TTYH3: variants seen among roughly 807,000 people sequenced by gnomAD.
TTYH3 encodes the protein tweety family member 3, also known as protein tweety homolog 3.
TTYH3 carries 23 observed loss-of-function variants against 68.2 expected under a neutral mutation model. That is an observed-to-expected ratio of 0.34 (90% CI 0.24 to 0.48). The LOEUF is 0.48. Ranked by LOEUF, TTYH3 falls within the 20% of genes least tolerant of loss-of-function variation. TTYH3 has a pLI of 0.99. For missense variants in TTYH3, 768 were observed against 727.7 expected, an observed-to-expected ratio of 1.06 and a Z score of -0.64; for synonymous variants, 360 against 332.8, an observed-to-expected ratio of 1.08 and a Z score of -0.89.
intron 1 of TTYH3, among the ~76,000 whole-genome samples, chr7:2,632,939 G>C (rs934103009): frequency 6.6e-5 from 10 of 152,174 alleles, no homozygotes; most frequent in African/African-American, 7.2e-5. Context: ...TGTAGCCCCC[G>C]GGGGAGGGAG....
intron 1 of TTYH3, among the ~76,000 whole-genome samples, chr7:2,636,701 A>G (rs576663059): frequency 2.2e-4 from 33 of 152,194 alleles, no homozygotes; most frequent in Non-Finnish European, 4.0e-4. Context: ...CAGTCCACTC[A>G]GGATTTCCAT....
chr7:2,659,655 G>A (rs1786436823), intron 13 of TTYH3, among the ~76,000 whole-genome samples: 1 of 152,158 alleles, frequency 6.6e-6, no homozygotes, highest in Non-Finnish European at 1.5e-5. Context: ...GGGGCGGCCG[G>A]GCTACCAGGA....
chr7:2,638,214 C>T (rs1785732170), intron 1 of TTYH3, among the ~76,000 whole-genome samples: 1 of 152,044 alleles, frequency 6.6e-6, no homozygotes, highest in Non-Finnish European at 1.5e-5. Flanking sequence ...GGGCCCGGTC[C>T]CCAGGCAGCT....
At chr7:2,661,375 TGGGCATGGGA>T (rs1786490791) in intron 13 of TTYH3, among the ~76,000 whole-genome samples, 1 of 152,098 alleles carries the variant, frequency 6.6e-6, no homozygotes, top group Admixed American at 6.5e-5. Context: ...GCCGCTGGTG[TGGGCATGGGA>T]GGCTGTGTGT....
At chr7:2,640,966 G>T (rs375235241) in intron 1 of TTYH3, among the ~76,000 whole-genome samples, 1 of 152,214 alleles carries the variant, frequency 6.6e-6, no homozygotes, top group African/African-American at 2.4e-5. Context: ...TTTGGGCCTG[G>T]GTCTCTAATA....
chr7:2,647,071 C>A, intron 2 of TTYH3, 49 bp downstream of exon 2: 7 of 932,850 alleles, frequency 7.5e-6, no homozygotes, highest in Non-Finnish European at 8.8e-6. Context: ...GGGGGCGGCC[C>A]GAGGGGGCGG....
At chr7:2,661,319 G>A (rs1024777976) in intron 13 of TTYH3, among the ~76,000 whole-genome samples, 8 of 152,170 alleles carry the variant, frequency 5.3e-5, no homozygotes, top group African/African-American at 1.9e-4. Flanking sequence ...CCTTGGAGCT[G>A]TGGCTCCTGG....
At chr7:2,635,024 G>A (rs1024290822) in intron 1 of TTYH3, among the ~76,000 whole-genome samples, 6 of 152,266 alleles carry the variant, frequency 3.9e-5, no homozygotes, top group Admixed American at 3.3e-4. Context: ...GGTCGGCTCT[G>A]TGCAGCTCCC....
In TTYH3 at chr7:2,647,512, C is replaced by A. The variant is rs1270757910; in HGVS notation, c.500C>A (p.Ala167Asp). The change falls in exon 4 of 14, where the codon GCC becomes GAC. Residue 167 changes from alanine to aspartate, a missense_variant. Coordinates refer to ENST00000258796, the MANE Select transcript of TTYH3 (RefSeq NM_025250.3). ...GCCGGGCGGCCCGAGCCCCTGCGAG[C>A]CGTACAGAGGCTGCAGGGCCTGCTG... ...QLAGRPEPLR[A>D]VQRLQGLLET... The A allele has an allele frequency of 6.5e-7, 1 of 1,544,662 alleles. No homozygotes were observed. The highest frequency in any genetic ancestry group is 2.0e-5 in the Admixed American group (1 of 51,012).
intron 1 of TTYH3, among the ~76,000 whole-genome samples, chr7:2,641,093 G>A (rs1785829482): frequency 6.6e-6 from 1 of 152,130 alleles, no homozygotes; most frequent in Non-Finnish European, 1.5e-5. Flanking sequence ...ACAGAGCCCT[G>A]CCCCGAGCCA....
At chr7:2,636,191 G>T (rs57497998) in intron 1 of TTYH3, among the ~76,000 whole-genome samples, 6,932 of 152,298 alleles carry the variant, frequency 0.046, 549 homozygotes, top group African/African-American at 0.16. Context: ...CCCAGTTGCA[G>T]CCTGGGGGGC....
rs1189324677 is a variant in TTYH3, at chr7:2,653,023, G to T, written c.1020+13G>T. The stretch of plus-strand genomic sequence containing the variant: ...GCCGGCCACTAAGGTGAGGGGCTGC[G>T]GGGTAGGCACTGGGGCAGGCAGGGC... On this transcript the variant is annotated intron_variant, in intron 9 of 13. Transcript: ENST00000258796. 6 of 1,559,878 alleles carry T rather than the reference G, an allele frequency of 3.8e-6. No homozygotes were observed. Among genetic ancestry groups the T allele is most frequent in the East Asian group, 2.3e-5 (1 of 42,660 alleles).
chr7:2,660,633 T>A, intron 13 of TTYH3: 1 of 853,286 alleles, frequency 1.2e-6, no homozygotes, highest in African/African-American at 2.1e-5. Context: ...CCGTGGCTCC[T>A]CCCCCCACCC....
At chr7:2,653,781 T>C (rs907054854) in intron 9 of TTYH3, among the ~76,000 whole-genome samples, 1 of 152,192 alleles carries the variant, frequency 6.6e-6, no homozygotes, top group African/African-American at 2.4e-5. Context: ...GAGAATCACT[T>C]GAACCTGGGA....
At chr7:2,640,413 C>T (rs989710018) in intron 1 of TTYH3, among the ~76,000 whole-genome samples, 9 of 149,830 alleles carry the variant, frequency 6.0e-5, no homozygotes, top group Non-Finnish European at 1.0e-4. Flanking sequence ...TGGGGGGGGA[C>T]GTGTGTTCCA....
intron 10 of TTYH3, 58 bp downstream of exon 10, chr7:2,656,242 C>A: frequency 6.5e-7 from 1 of 1,548,320 alleles, no homozygotes. Flanking sequence ...AACAGGGGAG[C>A]AGCTGTTCGG....
intron 9 of TTYH3, among the ~76,000 whole-genome samples, chr7:2,655,790 G>C (rs1052607940): frequency 6.6e-6 from 1 of 152,216 alleles, no homozygotes; most frequent in South Asian, 2.1e-4. Flanking sequence ...GGGGTTCGCT[G>C]TTTCTCCCAT....
At chr7:2,652,436 G>A (rs1786210083) in intron 8 of TTYH3, among the ~76,000 whole-genome samples, 194 bp downstream of exon 8, 2 of 152,204 alleles carry the variant, frequency 1.3e-5, no homozygotes, top group African/African-American at 4.8e-5. Context: ...CTGGTGACCT[G>A]GCTGAGAGCC....
chr7:2,646,850 C>A lies in TTYH3; in HGVS notation c.124-3C>A, dbSNP rs1445700125. On this transcript the variant is annotated splice_region_variant and splice_polypyrimidine_tract_variant and intron_variant, in intron 1 of 13. Transcript: ENST00000258796. Reference sequence around the variant, plus strand: ...TCCAGCGCCGCTTCCTGCCTGCCCTCAGGCCCTGCTGCTCCTGGGGGCCGC... The same window carrying A: ...TCCAGCGCCGCTTCCTGCCTGCCCTAAGGCCCTGCTGCTCCTGGGGGCCGC... 1.8e-5 allele frequency: 28 copies of A among 1,593,482 alleles called. No individual in the cohort carries two copies. Among genetic ancestry groups the A allele is most frequent in the Non-Finnish European group, 2.2e-5 (26 of 1,177,474 alleles).
Sources: gnomAD v4.1 joint callset for allele counts (sites outside exome capture counted in the v4.1 genomes callset) on GRCh38, gnomAD v4.1.1 for gene constraint, MANE v1.5 for transcripts, NCBI Gene and HGNC (gene_info 2026-07-23, HGNC 2026-07-21) for gene names.